The following AVPR1A variants were observed in gnomAD, a reference collection of about 807,000 sequenced individuals.
The protein encoded by AVPR1A is vasopressin V1a receptor.
A neutral mutation model predicts 31.5 loss-of-function variants in AVPR1A; 31 were observed. The ratio of observed to expected loss-of-function variants is 0.99; its 90% CI spans 0.74 to 1.33. The LOEUF is 1.33. Ranked by LOEUF, AVPR1A falls within the 40% of genes most tolerant of loss-of-function variation. AVPR1A has a pLI of 0.00. For missense variants in AVPR1A, 570 were observed against 575.2 expected (o/e 0.99, Z 0.09); for synonymous variants, 243 against 233.2 (o/e 1.04, Z -0.38).
In AVPR1A at chr12:63,150,767, C is replaced by G. The variant is rs756854865; in HGVS notation, c.70G>C (p.Gly24Arg). The change falls in exon 1 of 2, where the codon GGC (glycine) becomes CGC (arginine). Residue 24 changes from glycine to arginine, a missense_variant. Transcript: ENST00000299178. This position sits in a 1 kb window ranked among gnomAD's most constrained non-coding sequence, Gnocchi z 4.9. ...GCCTCCCGGCTTGTGTTGCCAGCGC[C>G]GGTGGCCAGAGGCCACCATGGGCTG... ...NSSPWWPLAT[G>R]AGNTSREAEA... The G allele has an allele frequency of 1.3e-6, 2 of 1,599,234 alleles. No individual in the cohort carries two copies. The highest frequency in any genetic ancestry group is 1.1e-5 in the South Asian group (1 of 91,008).
In AVPR1A at chr12:63,145,967, T is replaced by C. The variant is rs1565877754; in HGVS notation, c.*1392A>G. The C allele has an allele frequency of 6.6e-6, 1 of 152,220 alleles. No homozygotes were observed. The highest frequency in any genetic ancestry group is 2.1e-4 in the South Asian group (1 of 4,834). The allele number at this position is 152,220 out of a possible 1,614,324, so 9.4% of individuals were successfully genotyped here. A position where few individuals can be genotyped will look rare whatever the true frequency, so the allele number is the denominator to read the frequency against. ...ATGAATCAGCGATCTATATTTAAAT[T>C]TTAGGATTTTATATCCCAGCCATGA... On this transcript the variant is annotated 3_prime_UTR_variant, in exon 2 of 2. Transcript: ENST00000299178.
Position 63,147,282 on chromosome 12 carries a change from T to A in AVPR1A, c.*77A>T. 1 of 1,479,768 alleles carries A rather than the reference T, an allele frequency of 6.8e-7. No homozygotes were observed. The highest frequency in any genetic ancestry group is 1.2e-5 in the South Asian group (1 of 80,886). The allele number at this position is 1,479,768 out of a possible 1,614,324, so 91.7% of individuals were successfully genotyped here. On this transcript the variant is annotated 3_prime_UTR_variant, in exon 2 of 2. Transcript: ENST00000299178. ...TGGTTATATTAATAAAGTGTATTTG[T>A]TCTTGTGATTTCTAGCTCAATTCAG...
chr12:63,150,804 G>C lies in AVPR1A; in HGVS notation c.33C>G (p.Pro11=). ...GCCACCATGGGCTGGAGTTGCCCGA[G>C]GGCCCCGCGTCGGGACCGGCGGAGA... MRLSAGPDAG[P]SGNSSPWWPL... Residue 11 remains proline, a synonymous_variant, in exon 1 of 2, where the codon CCC becomes CCG. Transcript: ENST00000299178. The surrounding 1 kb of genome is among the most constrained non-coding windows in gnomAD (Gnocchi z 4.9). The C allele has an allele frequency of 6.3e-7, 1 of 1,592,640 alleles. No homozygotes were observed. The highest frequency in any genetic ancestry group is 8.5e-7 in the Non-Finnish European group (1 of 1,176,246).
Position 63,150,989 on chromosome 12 carries a change from G to T in AVPR1A, c.-153C>A, listed in dbSNP as rs1868475453. 1.7e-6 allele frequency: 2 copies of T among 1,167,044 alleles called. No individual in the cohort carries two copies. Among genetic ancestry groups the T allele is most frequent in the Non-Finnish European group, 2.3e-6 (2 of 857,620 alleles). The allele number at this position is 1,167,044 out of a possible 1,614,324, so 72.3% of individuals were successfully genotyped here. A position where few individuals can be genotyped will look rare whatever the true frequency, so the allele number is the denominator to read the frequency against. On this transcript the variant is annotated 5_prime_UTR_variant, in exon 1 of 2. Transcript: ENST00000299178. The surrounding 1 kb of genome is among the most constrained non-coding windows in gnomAD (Gnocchi z 4.9). ...GGGCTCTGCGATCCCTCCAGTGGGCGTCTCCCGGAGCAGCGTCCCGCCTGC... is the reference window on the plus strand; with the variant it reads ...GGGCTCTGCGATCCCTCCAGTGGGCTTCTCCCGGAGCAGCGTCCCGCCTGC...
chr12:63,149,603 C>T (rs1324059438), intron 1 of AVPR1A, among the ~76,000 whole-genome samples: 1 of 151,832 alleles, frequency 6.6e-6, no homozygotes, highest in African/African-American at 2.4e-5. Flanking sequence ...AGTCCTGAGC[C>T]CCATTCCAGA....
rs181807722 is a variant in AVPR1A, at chr12:63,144,392, C to T, written c.*2967G>A. On this transcript the variant is annotated 3_prime_UTR_variant, in exon 2 of 2. Transcript: ENST00000299178. ...TCAAATGCCCAACTGATTAGTTTCT[C>T]CCTACTGGACATTTTTTATATATCA... The T allele has an allele frequency of 2.2e-4, 34 of 152,286 alleles. No individual in the cohort carries two copies. The highest frequency in any genetic ancestry group is 7.2e-4 in the African/African-American group (30 of 41,550). The allele number at this position is 152,286 out of a possible 1,614,324, so 9.4% of individuals were successfully genotyped here. A position where few individuals can be genotyped will look rare whatever the true frequency, so the allele number is the denominator to read the frequency against.
At position 63,146,588 on chromosome 12, in the gene AVPR1A, T is replaced by C. The variant is rs1417487061; in HGVS notation, c.*771A>G. On this transcript the variant is annotated 3_prime_UTR_variant, in exon 2 of 2. Coordinates refer to ENST00000299178, the MANE Select transcript of AVPR1A (RefSeq NM_000706.5). ...TCTACTCTTTTAATAAAATTTGGCTTTCCTTATACAAATCTGACTTTAAAA... is the reference window on the plus strand; with the variant it reads ...TCTACTCTTTTAATAAAATTTGGCTCTCCTTATACAAATCTGACTTTAAAA... 6.6e-6 allele frequency: 1 copy of C among 152,230 alleles called. No homozygotes were observed. Among genetic ancestry groups the C allele is most frequent in the Non-Finnish European group, 1.5e-5 (1 of 68,036 alleles). The allele number at this position is 152,230 out of a possible 1,614,324, so 9.4% of individuals were successfully genotyped here. A position where few individuals can be genotyped will look rare whatever the true frequency, so the allele number is the denominator to read the frequency against.
Position 63,150,260 on chromosome 12 carries a change from C to G in AVPR1A, c.577G>C (p.Glu193Gln), listed in dbSNP as rs199684240. ...TPQYFVFSMI[E>Q]VNNVTKARDC... ...CGGGCCTTGGTGACATTGTTCACCT[C>G]GATCATGGAGAAGACGAAGTACTGC... Residue 193 changes from glutamate (E) to glutamine (Q), a missense_variant, in exon 1 of 2, where the codon GAG (glutamate) becomes CAG (glutamine). Physicochemically the swap from Glu to Gln is conservative, Grantham distance 29. Transcript: ENST00000299178. The surrounding 1 kb of genome is among the most constrained non-coding windows in gnomAD (Gnocchi z 4.9). 21 of 1,613,772 alleles carry G rather than the reference C, an allele frequency of 1.3e-5. No homozygotes were observed. The highest frequency in any genetic ancestry group is 1.6e-5 in the Non-Finnish European group (19 of 1,180,052).
At position 63,150,115 on chromosome 12, in the gene AVPR1A, T is replaced by C; in HGVS notation, c.722A>G (p.Tyr241Cys). The change falls in exon 1 of 2, where the codon TAC becomes TGC. Residue 241 changes from tyrosine to cysteine, a missense_variant. Physicochemically the swap from Tyr to Cys is radical, Grantham distance 194. Transcript: ENST00000299178. This position sits in a 1 kb window ranked among gnomAD's most constrained non-coding sequence, Gnocchi z 4.9. ...ILGTCYGFIC[Y>C]NIWCNVRGKT... ...CCCGCGGACGTTGCACCAGATGTTG[T>C]AGCAGATGAAGCCGTAGCAGGTACC... 1.9e-6 allele frequency: 3 copies of C among 1,614,012 alleles called. No homozygotes were observed. The highest frequency in any genetic ancestry group is 2.5e-6 in the Non-Finnish European group (3 of 1,180,026).
In AVPR1A at chr12:63,146,040, C is replaced by A. The variant is rs1868356152; in HGVS notation, c.*1319G>T. On this transcript the variant is annotated 3_prime_UTR_variant, in exon 2 of 2. Coordinates refer to ENST00000299178, the MANE Select transcript of AVPR1A (RefSeq NM_000706.5). ...AAAAATAAACTGGAAAACATCTGTG[C>A]AATTTTGGAGATCCCAAGGCTATAA... The A allele has an allele frequency of 6.6e-6, 1 of 152,328 alleles. No homozygotes were observed. Among genetic ancestry groups the A allele is most frequent in the Middle Eastern group, 3.4e-3 (1 of 294 alleles). The allele number at this position is 152,328 out of a possible 1,614,324, so 9.4% of individuals were successfully genotyped here.
At position 63,150,605 on chromosome 12, in the gene AVPR1A, G is replaced by A. The variant is rs752200426; in HGVS notation, c.232C>T (p.Arg78Trp). 3.1e-6 allele frequency: 5 copies of A among 1,610,104 alleles called. No individual in the cohort carries two copies. The South Asian group carries it at 3.3e-5, about 11-fold the overall frequency. Residue 78 changes from arginine to tryptophan, a missense_variant, in exon 1 of 2, where the codon CGG becomes TGG. Arg to Trp is a moderately radical substitution (Grantham distance 101). Coordinates refer to ENST00000299178, the MANE Select transcript of AVPR1A (RefSeq NM_000706.5). This position sits in a 1 kb window ranked among gnomAD's most constrained non-coding sequence, Gnocchi z 4.9. ...GNSSVLLALH[R>W]TPRKTSRMHL... ...ATGCGGGACGTCTTGCGCGGCGTCC[G>A]GTGCAGAGCCAGCAGTACGCTGCTG...
In AVPR1A at chr12:63,144,253, T is replaced by C. The variant is rs560173592; in HGVS notation, c.*3106A>G. 7.9e-5 allele frequency: 12 copies of C among 152,316 alleles called. No homozygotes were observed. The highest frequency in any genetic ancestry group is 3.4e-3 in the Middle Eastern group (1 of 294). The allele number at this position is 152,316 out of a possible 1,614,324, so 9.4% of individuals were successfully genotyped here. A position where few individuals can be genotyped will look rare whatever the true frequency, so the allele number is the denominator to read the frequency against. On this transcript the variant is annotated 3_prime_UTR_variant, in exon 2 of 2. Coordinates refer to ENST00000299178, the MANE Select transcript of AVPR1A (RefSeq NM_000706.5). ...TCACAATTGTGTTCCAAATGAAATT[T>C]CAAAATAAAAGCCAAGTAGTTTTAC...
Position 63,150,590 on chromosome 12 carries a change from T to A in AVPR1A, c.247A>T (p.Thr83Ser). The A allele has an allele frequency of 2.5e-6, 4 of 1,611,150 alleles. No homozygotes were observed. Among genetic ancestry groups the A allele is most frequent in the Non-Finnish European group, 3.4e-6 (4 of 1,179,874 alleles). ...CGGATGAAGAGGTGCATGCGGGACG[T>A]CTTGCGCGGCGTCCGGTGCAGAGCC... The part of the protein sequence containing the change: ...LLALHRTPRK[T>S]SRMHLFIRHL... Residue 83 changes from threonine (T) to serine (S), a missense_variant, in exon 1 of 2, where the codon ACG (threonine) becomes TCG (serine). Coordinates refer to ENST00000299178, the MANE Select transcript of AVPR1A (RefSeq NM_000706.5). The surrounding 1 kb of genome is among the most constrained non-coding windows in gnomAD (Gnocchi z 4.9).
intron 1 of AVPR1A, among the ~76,000 whole-genome samples, chr12:63,148,119 T>C (rs541447299): frequency 6.6e-6 from 1 of 152,282 alleles, no homozygotes; most frequent in East Asian, 1.9e-4. Context: ...TAAATATTCT[T>C]ATAATATGAA....
rs944522505 is a variant in AVPR1A, at chr12:63,145,509, C to T, written c.*1850G>A. 1.4e-5 allele frequency: 5 copies of T among 352,288 alleles called. No individual in the cohort carries two copies. In the Admixed American group the frequency reaches 1.9e-4, roughly 13 times the overall value. 21.8% of individuals were successfully genotyped at this position (352,288 alleles called of 1,614,324 possible). ...GTGTGGTGGCACATGCATATAGTCCCAGCTACTCGGGAGGCTGAGGCAGGA... is the reference window on the plus strand; with the variant it reads ...GTGTGGTGGCACATGCATATAGTCCTAGCTACTCGGGAGGCTGAGGCAGGA... On this transcript the variant is annotated 3_prime_UTR_variant, in exon 2 of 2. Coordinates refer to ENST00000299178, the MANE Select transcript of AVPR1A (RefSeq NM_000706.5).
intron 1 of AVPR1A, among the ~76,000 whole-genome samples, chr12:63,149,578 A>C (rs1868414559): frequency 6.6e-6 from 1 of 151,892 alleles, no homozygotes; most frequent in Non-Finnish European, 1.5e-5. Flanking sequence ...GGATCATTGC[A>C]CACTACAAAT....
rs757791989 is a variant in AVPR1A at position 63,147,323 on chromosome 12, G to T, written c.*36C>A. 7.5e-6 allele frequency: 12 copies of T among 1,601,240 alleles called. No homozygotes were observed. In the East Asian group the frequency reaches 2.7e-4, roughly 36 times the overall value. The stretch of plus-strand genomic sequence containing the variant: ...CTCAATTCAGCTAATGAGCCAAAAA[G>T]TCAATCACAAGAATCAAGTTGCATG... On this transcript the variant is annotated 3_prime_UTR_variant, in exon 2 of 2. Transcript: ENST00000299178.
rs1173006777 is a variant in AVPR1A, at chr12:63,144,356, G to A, written c.*3003C>T. 1.3e-5 allele frequency: 2 copies of A among 152,130 alleles called. No homozygotes were observed. The highest frequency in any genetic ancestry group is 2.9e-5 in the Non-Finnish European group (2 of 68,020). The allele number at this position is 152,130 out of a possible 1,614,324, so 9.4% of individuals were successfully genotyped here. A position where few individuals can be genotyped will look rare whatever the true frequency, so the allele number is the denominator to read the frequency against. On this transcript the variant is annotated 3_prime_UTR_variant, in exon 2 of 2. Coordinates refer to ENST00000299178, the MANE Select transcript of AVPR1A (RefSeq NM_000706.5). Reference sequence around the variant, plus strand: ...CTAAATTGTTTATTTACCATCATCAGTTAATATTCATCAAATGCCCAACTG... The same window carrying A: ...CTAAATTGTTTATTTACCATCATCAATTAATATTCATCAAATGCCCAACTG...
At position 63,149,770 on chromosome 12, in the gene AVPR1A, TTTCTCTC is replaced by T. The variant is rs775178853; in HGVS notation, c.970+90_970+96del. The T allele has an allele frequency of 1.3e-5, 14 of 1,105,892 alleles. No homozygotes were observed. The African/African-American group carries it at 2.2e-4, about 18-fold the overall frequency. 68.5% of individuals were successfully genotyped at this position (1,105,892 alleles called of 1,614,324 possible). A position where few individuals can be genotyped will look rare whatever the true frequency, so the allele number is the denominator to read the frequency against. On this transcript the variant is annotated intron_variant, in intron 1 of 1. Coordinates refer to ENST00000299178, the MANE Select transcript of AVPR1A (RefSeq NM_000706.5). ...AAGAAAATTGCTAGATTCTCATTTT[TTTCTCTC>T]TCTCTCTCTCTCTCTCTCTCTCACA... is the stretch of plus-strand genomic sequence containing the variant.
Sources: allele counts gnomAD v4.1 joint callset (sites outside exome capture counted in the v4.1 genomes callset), GRCh38; gene constraint gnomAD v4.1.1; non-coding constraint Gnocchi (gnomAD v3.1); transcripts MANE v1.5; gene names NCBI Gene and HGNC (gene_info 2026-07-23, HGNC 2026-07-21).